EPHA6: variants seen among roughly 807,000 people sequenced by gnomAD.
EPHA6 encodes ephrin type-A receptor 6.
A neutral mutation model predicts 112.0 loss-of-function variants in EPHA6; 50 were observed. That is an observed-to-expected ratio of 0.45 (90% CI 0.36 to 0.56). The LOEUF is 0.56. Ranked by LOEUF, EPHA6 falls within the 20% of genes least tolerant of loss-of-function variation. The pLI is 0.00. For missense variants in EPHA6, 1,280 were observed against 1,417.4 expected (o/e 0.90, Z 1.56); for synonymous variants, 529 against 490.7 (o/e 1.08, Z -1.03).
At chr3:97,030,098 A>G (rs925425666) in intron 3 of EPHA6, among the ~76,000 whole-genome samples, 1 of 152,154 alleles carries the variant, frequency 6.6e-6, no homozygotes, top group Non-Finnish European at 1.5e-5. Flanking sequence ...TAGTCCAGAT[A>G]TTCAGCTGTG....
chr3:97,114,192 G>A (rs986459736), intron 3 of EPHA6, among the ~76,000 whole-genome samples: 14 of 152,080 alleles, frequency 9.2e-5, no homozygotes, highest in African/African-American at 3.1e-4. Context: ...CGTTTTAAAT[G>A]CTAACCACAT....
At chr3:97,032,448 TAATAA>T (rs1425808382) in intron 3 of EPHA6, among the ~76,000 whole-genome samples, 10 of 151,848 alleles carry the variant, frequency 6.6e-5, no homozygotes, top group South Asian at 2.1e-4. Flanking sequence ...TAAAGTATAA[TAATAA>T]AATAAAAAGA....
intron 5 of EPHA6, among the ~76,000 whole-genome samples, chr3:97,286,771 G>A (rs931467886): frequency 1.6e-4 from 24 of 146,090 alleles, no homozygotes; most frequent in African/African-American, 5.1e-4. Context: ...TTCTAGTTCT[G>A]TGAAAAAATC....
chr3:97,000,797 T>TTATATA (rs577138468), intron 3 of EPHA6, among the ~76,000 whole-genome samples: 4 of 142,096 alleles, frequency 2.8e-5, no homozygotes, highest in African/African-American at 8.7e-5. Context: ...GTAAGCTAAG[T>TTATATA]TATATATATA....
chr3:97,104,617 A>G (rs188660533), intron 3 of EPHA6, among the ~76,000 whole-genome samples: 41 of 151,874 alleles, frequency 2.7e-4, no homozygotes, highest in African/African-American at 9.4e-4. Context: ...TTTTTTCATC[A>G]TGTCTCTGCT....
At chr3:96,827,088 A>G (rs1052094286) in intron 1 of EPHA6, among the ~76,000 whole-genome samples, 1 of 152,126 alleles carries the variant, frequency 6.6e-6, no homozygotes, top group Non-Finnish European at 1.5e-5. Context: ...GGGAAGGTAA[A>G]GTCAGGCTTA....
At chr3:97,410,071 T>C (rs903251201) in intron 6 of EPHA6, among the ~76,000 whole-genome samples, 1 of 152,058 alleles carries the variant, frequency 6.6e-6, no homozygotes, top group Non-Finnish European at 1.5e-5. Flanking sequence ...TTTTTATCAA[T>C]CAGGGATGAT....
At chr3:97,009,948 C>T in intron 3 of EPHA6, 1 of 536,250 alleles carries the variant, frequency 1.9e-6, no homozygotes, top group South Asian at 1.5e-5. Flanking sequence ...AACCTGGTTA[C>T]CTTGGTTGCC....
chr3:96,896,535 C>T (rs184191028), intron 2 of EPHA6, among the ~76,000 whole-genome samples: 65 of 152,214 alleles, frequency 4.3e-4, no homozygotes, highest in African/African-American at 1.4e-3. Context: ...TTTGCCCTGC[C>T]GTAAGAGTTA....
At chr3:97,353,978 C>T (rs1464754143) in intron 5 of EPHA6, among the ~76,000 whole-genome samples, 1 of 152,202 alleles carries the variant, frequency 6.6e-6, no homozygotes, top group Non-Finnish European at 1.5e-5. Context: ...GAACAAGAAT[C>T]TCTGCCTGGT....
At chr3:97,270,496 T>C (rs980638463) in intron 5 of EPHA6, among the ~76,000 whole-genome samples, 15 of 152,190 alleles carry the variant, frequency 9.9e-5, no homozygotes, top group African/African-American at 3.6e-4. Flanking sequence ...GCATTTGTAA[T>C]TTTTTTATGC....
intron 2 of EPHA6, among the ~76,000 whole-genome samples, chr3:96,975,176 T>C (rs751093635): frequency 5.9e-5 from 9 of 152,014 alleles, no homozygotes; most frequent in Non-Finnish European, 1.2e-4. Context: ...CTATGATCGA[T>C]CATCTAGGGT....
At chr3:96,834,198 G>A (rs183150978) in intron 1 of EPHA6, among the ~76,000 whole-genome samples, 1 of 151,874 alleles carries the variant, frequency 6.6e-6, no homozygotes. Flanking sequence ...AGTATGTAAC[G>A]TTTGCATAAA....
At chr3:97,431,984 A>G (rs1218942214) in intron 6 of EPHA6, among the ~76,000 whole-genome samples, 3 of 152,128 alleles carry the variant, frequency 2.0e-5, no homozygotes, top group Non-Finnish European at 4.4e-5. Context: ...TGTACCTATG[A>G]CAGCTACATT....
At chr3:97,705,326 G>C (rs933806058) in intron 14 of EPHA6, among the ~76,000 whole-genome samples, 1 of 151,844 alleles carries the variant, frequency 6.6e-6, no homozygotes, top group Admixed American at 6.6e-5. Context: ...CTTTCATAAG[G>C]TTCCAGCCTA....
intron 2 of EPHA6, among the ~76,000 whole-genome samples, chr3:96,924,139 T>C (rs2039916174): frequency 6.6e-6 from 1 of 152,180 alleles, no homozygotes; most frequent in Non-Finnish European, 1.5e-5. Flanking sequence ...CTTTTTAAAG[T>C]AGTTTTAAAA....
chr3:97,418,039 A>T (rs1274605966), intron 6 of EPHA6, among the ~76,000 whole-genome samples: 4 of 152,180 alleles, frequency 2.6e-5, no homozygotes, highest in African/African-American at 9.6e-5. Context: ...TACACAAAAC[A>T]ACTATGTTTG....
At chr3:97,670,795 C>T (rs2030730875) in intron 14 of EPHA6, among the ~76,000 whole-genome samples, 1 of 152,214 alleles carries the variant, frequency 6.6e-6, no homozygotes, top group South Asian at 2.1e-4. Flanking sequence ...AAATCACCGT[C>T]ATCACACACA....
At chr3:97,304,985 A>C (rs1576897454) in intron 5 of EPHA6, among the ~76,000 whole-genome samples, 1 of 152,234 alleles carries the variant, frequency 6.6e-6, no homozygotes, top group Non-Finnish European at 1.5e-5. Flanking sequence ...TTTGCAATCT[A>C]TCCATCTGAC....
Sources: gnomAD v4.1 joint callset for allele counts (sites outside exome capture counted in the v4.1 genomes callset) on GRCh38, gnomAD v4.1.1 for gene constraint, MANE v1.5 for transcripts, NCBI Gene and HGNC (gene_info 2026-07-23, HGNC 2026-07-21) for gene names.